ZFHX3: variants seen among roughly 807,000 people sequenced by gnomAD.
ZFHX3 encodes zinc finger homeobox 3.
Under a neutral mutation model 279.1 loss-of-function variants are expected in ZFHX3, and 42 were observed. That is an observed-to-expected ratio of 0.15 (90% CI 0.12 to 0.19). The LOEUF (loss-of-function observed/expected upper bound fraction) is 0.19. Ranked by LOEUF, ZFHX3 falls within the 10% of genes least tolerant of loss-of-function variation. The probability of loss-of-function intolerance (pLI) is 1.00; values close to 1 mark genes in which losing one functional copy is unlikely to be tolerated. For missense variants in ZFHX3, 4,981 were observed against 4,754.0 expected (o/e 1.05, Z -1.40); for synonymous variants, 2,293 against 1,957.8 (o/e 1.17, Z -4.52).
chr16:73,162,781 A>G lies in ZFHX3; in HGVS notation c.-1103-18950T>C, dbSNP rs192101203. Among the ~76,000 whole-genome samples the G allele has an allele frequency of 3.1e-3, 478 of 152,314 alleles. 1 individual carries two copies. The highest frequency in any genetic ancestry group is 3.8e-3 in the Non-Finnish European group (260 of 68,034). ...ACCCCGGAATGTCGAATTTTCCACA[A>G]ATAAAAATATTTATTTTCAGGTAAA... On this transcript the variant is annotated intron_variant, in intron 5 of 17. Transcript: ENST00000641206.
At chr16:73,255,137 T>C (rs890843533) in intron 5 of ZFHX3, among the ~76,000 whole-genome samples, 3 of 152,340 alleles carry the variant, frequency 2.0e-5, no homozygotes, top group Non-Finnish European at 4.4e-5. Flanking sequence ...TGTTTCCACA[T>C]TGGCAGTAAT....
chr16:73,102,695 G>A (rs1966247564), intron 7 of ZFHX3, among the ~76,000 whole-genome samples: 2 of 152,144 alleles, frequency 1.3e-5, no homozygotes, highest in South Asian at 4.1e-4. Flanking sequence ...CTGGGTTTGA[G>A]GTGAGAACCC....
At chr16:73,302,545 G>A (rs1000970863) in intron 4 of ZFHX3, among the ~76,000 whole-genome samples, 1 of 152,204 alleles carries the variant, frequency 6.6e-6, no homozygotes, top group Non-Finnish European at 1.5e-5. Flanking sequence ...TTGAATAAGA[G>A]AATCATGACT....
chr16:72,980,316 T>G (rs1232180550), intron 1 of ZFHX3, among the ~76,000 whole-genome samples: 1 of 152,184 alleles, frequency 6.6e-6, no homozygotes, highest in Non-Finnish European at 1.5e-5. Flanking sequence ...AGAACTGTTC[T>G]AGATTAAAGG....
At chr16:73,187,611 A>C (rs1244705419) in intron 5 of ZFHX3, among the ~76,000 whole-genome samples, 1 of 152,238 alleles carries the variant, frequency 6.6e-6, no homozygotes, top group East Asian at 1.9e-4. Context: ...TTCAAAGTTC[A>C]GTTTTGCTTA....
chr16:73,141,269 A>G (rs1433337342), intron 6 of ZFHX3, among the ~76,000 whole-genome samples: 3 of 152,218 alleles, frequency 2.0e-5, no homozygotes, highest in African/African-American at 7.2e-5. Context: ...TCTGAAATAT[A>G]CAATGTATTA....
At chr16:73,149,098 G>C (rs1966884172) in intron 5 of ZFHX3, among the ~76,000 whole-genome samples, 1 of 148,364 alleles carries the variant, frequency 6.7e-6, no homozygotes, top group South Asian at 2.1e-4. Flanking sequence ...GTAAATGTCA[G>C]CAATTATTGT....
At chr16:73,306,254 A>C (rs1022631078) in intron 4 of ZFHX3, among the ~76,000 whole-genome samples, 2 of 152,230 alleles carry the variant, frequency 1.3e-5, no homozygotes, top group Non-Finnish European at 2.9e-5. Context: ...AAAAAAATCA[A>C]TATAGATCAA....
At chr16:73,559,044 T>TTG (rs375638006) in intron 2 of ZFHX3, among the ~76,000 whole-genome samples, 6,514 of 149,394 alleles carry the variant, frequency 0.044, 322 homozygotes, top group African/African-American at 0.12. Flanking sequence ...ACTCCTCTTT[T>TTG]TGTGTGTGTG....
intron 4 of ZFHX3, among the ~76,000 whole-genome samples, chr16:72,864,221 A>G (rs79575925): frequency 6.6e-6 from 1 of 151,966 alleles, no homozygotes; most frequent in Non-Finnish European, 1.5e-5. Context: ...CCTGACCCTT[A>G]TATTTTTTTC....
chr16:73,268,418 G>C (rs2014041593), intron 4 of ZFHX3, among the ~76,000 whole-genome samples: 1 of 152,168 alleles, frequency 6.6e-6, no homozygotes, highest in African/African-American at 2.4e-5. Context: ...CCCAGCGAGA[G>C]TCACGTCCCA....
intron 2 of ZFHX3, among the ~76,000 whole-genome samples, chr16:73,509,264 C>T (rs1272386174): frequency 1.3e-5 from 2 of 152,176 alleles, no homozygotes; most frequent in Non-Finnish European, 2.9e-5. Context: ...ACCCAGATCC[C>T]TCTGTTTTGA....
At chr16:73,077,601 G>A (rs1358497843) in intron 8 of ZFHX3, among the ~76,000 whole-genome samples, 1 of 151,816 alleles carries the variant, frequency 6.6e-6, no homozygotes, top group Non-Finnish European at 1.5e-5. Context: ...ACGTTTAAGA[G>A]TTCATCCTGC....
At chr16:73,258,571 A>T (rs953357354) in intron 4 of ZFHX3, among the ~76,000 whole-genome samples, 17 of 152,062 alleles carry the variant, frequency 1.1e-4, no homozygotes, top group African/African-American at 4.1e-4. Context: ...GATGGTCTCG[A>T]TCTCCTGACC....
chr16:73,282,212 A>T (rs560707768), intron 4 of ZFHX3, among the ~76,000 whole-genome samples: 1 of 152,264 alleles, frequency 6.6e-6, no homozygotes, highest in Non-Finnish European at 1.5e-5. Flanking sequence ...CTTTTCCATC[A>T]GTAAGCAATG....
chr16:73,409,184 T>C (rs1028842370), intron 3 of ZFHX3, among the ~76,000 whole-genome samples: 3 of 152,160 alleles, frequency 2.0e-5, no homozygotes, highest in African/African-American at 7.2e-5. Flanking sequence ...AGGTACAGCA[T>C]TGCAGAGAAT....
chr16:73,740,086 T>C (rs374449246), intron 1 of ZFHX3, among the ~76,000 whole-genome samples: 15 of 152,298 alleles, frequency 9.8e-5, no homozygotes, highest in African/African-American at 3.1e-4. Context: ...GCCCGGTTCC[T>C]TGCAGCCTGG....
At chr16:73,439,862 G>A (rs1355755488) in intron 3 of ZFHX3, among the ~76,000 whole-genome samples, 1 of 124,848 alleles carries the variant, frequency 8.0e-6, no homozygotes, top group Non-Finnish European at 1.6e-5. Context: ...CTTGTATAAA[G>A]AGGCCCCTGG....
At chr16:72,947,698 A>C (rs185874079) in intron 3 of ZFHX3, among the ~76,000 whole-genome samples, 8 of 150,816 alleles carry the variant, frequency 5.3e-5, no homozygotes, top group Middle Eastern at 3.4e-3. Flanking sequence ...TTGCCAGGGA[A>C]CCGGGACAGG....
Sources: gnomAD v4.1 joint callset for allele counts (sites outside exome capture counted in the v4.1 genomes callset) on GRCh38, gnomAD v4.1.1 for gene constraint, MANE v1.5 for transcripts, NCBI Gene and HGNC (gene_info 2026-07-23, HGNC 2026-07-21) for gene names.